The following ATG7 variants were observed in gnomAD, a reference collection of about 807,000 sequenced individuals.
The protein encoded by ATG7 is ubiquitin-like modifier-activating enzyme ATG7.
Under a neutral mutation model 82.4 loss-of-function variants are expected in ATG7, and 70 were observed. The observed-to-expected ratio is 0.85, with a 90% CI of 0.70 to 1.04. The LOEUF (loss-of-function observed/expected upper bound fraction) is 1.04, where lower values mean the gene tolerates loss of function less well. Ranked by LOEUF, ATG7 falls within the 50% of genes least tolerant of loss-of-function variation. The probability of loss-of-function intolerance (pLI) is 0.00; values close to 1 mark genes in which losing one functional copy is unlikely to be tolerated. For missense variants in ATG7, 792 were observed against 864.3 expected (o/e 0.92, Z 1.05); for synonymous variants, 287 against 313.0 (o/e 0.92, Z 0.88).
intron 19 of ATG7, among the ~76,000 whole-genome samples, chr3:11,401,270 T>C (rs1002464832): frequency 6.6e-6 from 1 of 152,218 alleles, no homozygotes; most frequent in African/African-American, 2.4e-5. Flanking sequence ...TGACTTTTTT[T>C]GTAGAATGAC....
chr3:11,498,681 C>T (rs1228025156), intron 20 of ATG7, among the ~76,000 whole-genome samples: 2 of 152,226 alleles, frequency 1.3e-5, no homozygotes, highest in Non-Finnish European at 2.9e-5. Context: ...CCAGAAGAGG[C>T]TGTGTTAATT....
At chr3:11,382,463 A>G (rs1162437489) in intron 19 of ATG7, among the ~76,000 whole-genome samples, 1 of 152,194 alleles carries the variant, frequency 6.6e-6, no homozygotes, top group African/African-American at 2.4e-5. Flanking sequence ...GTTCCATCTT[A>G]GGGGAAAAAT....
chr3:11,338,393 G>A (rs1952896477), intron 11 of ATG7, among the ~76,000 whole-genome samples: 1 of 152,118 alleles, frequency 6.6e-6, no homozygotes, highest in Non-Finnish European at 1.5e-5. Context: ...TGTCTTTGAT[G>A]TTAAGAGACA....
At chr3:11,518,545 CAA>C (rs907867265) in intron 20 of ATG7, among the ~76,000 whole-genome samples, 4 of 120,564 alleles carry the variant, frequency 3.3e-5, no homozygotes, top group Admixed American at 8.6e-5. Flanking sequence ...GACACCCTCT[CAA>C]AAAAAAAAAA....
At chr3:11,380,888 A>C (rs1401371719) in intron 19 of ATG7, among the ~76,000 whole-genome samples, 2 of 152,216 alleles carry the variant, frequency 1.3e-5, no homozygotes, top group Non-Finnish European at 2.9e-5. Context: ...ACTGTGGAAG[A>C]AAGAGAATTC....
At chr3:11,526,401 C>CA (rs919744356) in intron 20 of ATG7, among the ~76,000 whole-genome samples, 2 of 151,776 alleles carry the variant, frequency 1.3e-5, no homozygotes, top group African/African-American at 4.8e-5. Flanking sequence ...TCAAAAACAA[C>CA]AAAAAAACCC....
At chr3:11,537,491 G>A (rs112753313) in intron 20 of ATG7, among the ~76,000 whole-genome samples, 4,619 of 152,322 alleles carry the variant, frequency 0.03, 87 homozygotes, top group Non-Finnish European at 0.047. Context: ...TTCAAAGGAT[G>A]CTGGCTGAAT....
At chr3:11,367,188 A>C (rs1559480183) in intron 18 of ATG7, among the ~76,000 whole-genome samples, 1 of 152,002 alleles carries the variant, frequency 6.6e-6, no homozygotes, top group Non-Finnish European at 1.5e-5. Context: ...CCATGTTTTG[A>C]TTAGGGGACC....
At chr3:11,363,223 A>ATC in intron 17 of ATG7, 1 of 202,152 alleles carries the variant, frequency 4.9e-6, no homozygotes, top group South Asian at 1.1e-4. Flanking sequence ...GCACCTTAGA[A>ATC]ATTTTGCCTC....
At chr3:11,566,942 G>A in the ATG7 span, among the ~76,000 whole-genome samples, 1 of 152,190 alleles carries the variant, frequency 6.6e-6, no homozygotes, top group Non-Finnish European at 1.5e-5. Flanking sequence ...CAGGTATCGT[G>A]GAGTGGAACT....
chr3:11,331,075 G>C (rs948216894), intron 9 of ATG7, among the ~76,000 whole-genome samples: 3 of 151,650 alleles, frequency 2.0e-5, no homozygotes, highest in Admixed American at 6.6e-5. Context: ...TTCCTTCTAC[G>C]TGTATTTAGC....
the ATG7 span, among the ~76,000 whole-genome samples, chr3:11,572,501 G>A: frequency 3.9e-5 from 6 of 152,258 alleles, no homozygotes; most frequent in South Asian, 2.1e-4. Context: ...ACATGCAGAC[G>A]CATGAGGTCC....
chr3:11,569,026 G>T, the ATG7 span: 11 of 816,642 alleles, frequency 1.3e-5, no homozygotes, highest in South Asian at 1.3e-4. Flanking sequence ...AGTACTGAAA[G>T]CCACACGCTC....
At chr3:11,379,544 G>A (rs1268020045) in intron 18 of ATG7, among the ~76,000 whole-genome samples, 2 of 152,136 alleles carry the variant, frequency 1.3e-5, no homozygotes, top group African/African-American at 4.8e-5. Context: ...ATCTTTCCTT[G>A]TGAGACCCCA....
intron 2 of ATG7, among the ~76,000 whole-genome samples, chr3:11,281,749 G>A (rs1943080332): frequency 6.7e-6 from 1 of 150,128 alleles, no homozygotes; most frequent in East Asian, 1.9e-4. Context: ...ACTCTAACCT[G>A]GGCAACAAGA....
chr3:11,453,970 C>G (rs953615175), intron 20 of ATG7, among the ~76,000 whole-genome samples: 1 of 152,190 alleles, frequency 6.6e-6, no homozygotes, highest in African/African-American at 2.4e-5. Flanking sequence ...AAAAAGCAGA[C>G]ATCAGAGGAA....
Position 11,556,356 on chromosome 3 carries a change from C to T in ATG7, c.*1513C>T, listed in dbSNP as rs1023689604. 1 of 152,802 alleles carries T rather than the reference C, an allele frequency of 6.5e-6. No homozygotes were observed. Among genetic ancestry groups the T allele is most frequent in the African/African-American group, 2.4e-5 (1 of 41,428 alleles). 9.5% of individuals were successfully genotyped at this position (152,802 alleles called of 1,614,324 possible). ...CCCCCCTCCAGGGTACTGCCTATCC[C>T]AGATAGGTCAGTGCACCAGGGACCC... is the stretch of plus-strand genomic sequence containing the variant. On this transcript the variant is annotated 3_prime_UTR_variant, in exon 21 of 21. Coordinates refer to ENST00000693202, the MANE Select transcript of ATG7 (RefSeq NM_001349232.2).
intron 12 of ATG7, 27 bp from the exon 13 acceptor site, chr3:11,342,108 T>C (rs754282795): frequency 1.3e-6 from 2 of 1,596,926 alleles, no homozygotes; most frequent in South Asian, 1.1e-5. Context: ...AAGGAGTGAC[T>C]GAATAAGTAA....
In ATG7 at chr3:11,280,164, A is replaced by G. The variant is rs182370665; in HGVS notation, c.-365-830A>G. 2.6e-5 allele frequency among the ~76,000 whole-genome samples: 4 copies of G among 151,980 alleles called. No individual in the cohort carries two copies. In the East Asian group the frequency reaches 7.7e-4, roughly 29 times the overall value. On this transcript the variant is annotated intron_variant, in intron 1 of 20. Transcript: ENST00000693202. ...CGGGTTCAAGCAATTCTCAAGCTTC[A>G]GCCTTCCGAGTAGCTGGGATTACAG...
Sources: gnomAD v4.1 joint callset for allele counts (sites outside exome capture counted in the v4.1 genomes callset) on GRCh38, gnomAD v4.1.1 for gene constraint, MANE v1.5 for transcripts, NCBI Gene and HGNC (gene_info 2026-07-23, HGNC 2026-07-21) for gene names.